Variants in EXOC6B observed in about 807,000 individuals in gnomAD.
The protein encoded by EXOC6B is SEC15 homolog B.
EXOC6B carries 54 observed loss-of-function variants against 113.5 expected under a neutral mutation model. The observed-to-expected ratio is 0.48, with a 90% CI of 0.38 to 0.60. The LOEUF is 0.60. EXOC6B is among the 20% of genes least tolerant of loss of function. The pLI, the probability that EXOC6B is intolerant of heterozygous loss-of-function variation, is 0.00. For missense variants in EXOC6B, 797 were observed against 977.5 expected, an observed-to-expected ratio of 0.82 and a Z score of 2.46; for synonymous variants, 357 against 339.0, an observed-to-expected ratio of 1.05 and a Z score of -0.58.
chr2:72,289,055 G>A (rs187844483), intron 20 of EXOC6B: 146 of 297,590 alleles, frequency 4.9e-4, no homozygotes, highest in Middle Eastern at 4.3e-3. Flanking sequence ...CTGGTATCAC[G>A]GACCAAGAAG....
chr2:72,376,547 T>G (rs1160996726), intron 19 of EXOC6B, among the ~76,000 whole-genome samples: 1 of 152,174 alleles, frequency 6.6e-6, no homozygotes, highest in East Asian at 1.9e-4. Flanking sequence ...AGTGTAGCTT[T>G]CTTTGTATTT....
chr2:72,367,143 A>C (rs1215723038), intron 19 of EXOC6B, among the ~76,000 whole-genome samples: 3 of 152,286 alleles, frequency 2.0e-5, no homozygotes, highest in Non-Finnish European at 4.4e-5. Context: ...CAACAATAGC[A>C]CAAACAAAGG....
intron 6 of EXOC6B, among the ~76,000 whole-genome samples, chr2:72,689,135 C>A (rs1420474721): frequency 6.6e-6 from 1 of 152,040 alleles, no homozygotes; most frequent in Non-Finnish European, 1.5e-5. Context: ...GAATTTTAGC[C>A]CAGAGCAACT....
chr2:72,555,934 C>T (rs1379839526), intron 8 of EXOC6B, among the ~76,000 whole-genome samples: 2 of 152,214 alleles, frequency 1.3e-5, no homozygotes, highest in Non-Finnish European at 2.9e-5. Context: ...GCATGAGCCA[C>T]TGCACCCGGC....
intron 11 of EXOC6B, among the ~76,000 whole-genome samples, chr2:72,511,279 T>A (rs1189461380): frequency 6.6e-6 from 1 of 152,090 alleles, no homozygotes. Context: ...CACAAAGTAA[T>A]CATTTCGAAT....
intron 7 of EXOC6B, among the ~76,000 whole-genome samples, chr2:72,560,073 A>T (rs775628910): frequency 7.2e-5 from 11 of 152,222 alleles, no homozygotes; most frequent in Non-Finnish European, 1.2e-4. Context: ...AAAATAAGAC[A>T]AAGAATGGAA....
intron 6 of EXOC6B, among the ~76,000 whole-genome samples, chr2:72,696,939 T>C (rs1573639560): frequency 6.6e-6 from 1 of 152,190 alleles, no homozygotes; most frequent in East Asian, 1.9e-4. Flanking sequence ...GTAAATATAA[T>C]GATCAGATAT....
In EXOC6B at chr2:72,825,209, C is replaced by A. The variant is rs570715450; in HGVS notation, c.113+589G>T. Among the ~76,000 whole-genome samples, 95 of 152,160 alleles carry A rather than the reference C, an allele frequency of 6.2e-4. No individual in the cohort carries two copies. The highest frequency in any genetic ancestry group is 4.5e-3 in the East Asian group (23 of 5,162). On this transcript the variant is annotated intron_variant, in intron 1 of 21. Coordinates refer to ENST00000272427, the MANE Select transcript of EXOC6B (RefSeq NM_015189.3). This position sits in a 1 kb window ranked among gnomAD's most constrained non-coding sequence, Gnocchi z 4.4. Reference sequence around the variant, plus strand: ...TCAGTTTTCCCCAGCGATGAGGAGGCTGCACCGTGGGCGAGGGTCGTCCTC... The same window carrying A: ...TCAGTTTTCCCCAGCGATGAGGAGGATGCACCGTGGGCGAGGGTCGTCCTC...
intron 6 of EXOC6B, among the ~76,000 whole-genome samples, chr2:72,707,141 C>T (rs1175948503): frequency 6.6e-6 from 1 of 152,136 alleles, no homozygotes; most frequent in Admixed American, 6.6e-5. Context: ...TTACCAAATT[C>T]CTGACCCACA....
At chr2:72,383,995 T>C (rs1260490417) in intron 18 of EXOC6B, among the ~76,000 whole-genome samples, 2 of 152,036 alleles carry the variant, frequency 1.3e-5, no homozygotes, top group Admixed American at 1.3e-4. Flanking sequence ...TAGGGCCTGC[T>C]TGAGGGTGGA....
chr2:72,725,460 G>A (rs920451218), intron 5 of EXOC6B, among the ~76,000 whole-genome samples: 6 of 151,700 alleles, frequency 4.0e-5, no homozygotes, highest in African/African-American at 1.5e-4. Flanking sequence ...GCGCCATCTC[G>A]GCTCACTGCA....
intron 6 of EXOC6B, among the ~76,000 whole-genome samples, chr2:72,621,394 T>C (rs1043922711): frequency 6.6e-6 from 1 of 152,060 alleles, no homozygotes; most frequent in Non-Finnish European, 1.5e-5. Flanking sequence ...CTAAGCAAAC[T>C]GATGCAGGAA....
intron 6 of EXOC6B, 30 bp downstream of exon 6, chr2:72,718,073 T>C (rs1407534017): frequency 1.3e-6 from 2 of 1,554,138 alleles, no homozygotes; most frequent in African/African-American, 2.7e-5. Flanking sequence ...ATAAAGCCAC[T>C]GGCCAACCTA....
chr2:72,236,923 G>C (rs1330828953), intron 20 of EXOC6B, among the ~76,000 whole-genome samples: 1 of 152,082 alleles, frequency 6.6e-6, no homozygotes, highest in Non-Finnish European at 1.5e-5. Flanking sequence ...AAACACAGCA[G>C]AGTAGTAGTC....
At chr2:72,265,239 T>TTTATTATTA (rs58637794) in intron 20 of EXOC6B, among the ~76,000 whole-genome samples, 1,660 of 146,860 alleles carry the variant, frequency 0.011, 20 homozygotes, top group African/African-American at 0.036. Flanking sequence ...TAACTATTCT[T>TTTATTATTA]TTATTATTAT....
chr2:72,554,689 T>C (rs1293914952), intron 8 of EXOC6B, among the ~76,000 whole-genome samples: 1 of 152,168 alleles, frequency 6.6e-6, no homozygotes, highest in East Asian at 1.9e-4. Flanking sequence ...CAGTCTCAGG[T>C]AGTGTTCTTT....
chr2:72,650,886 A>AAAAAAAAC (rs1030698388), intron 6 of EXOC6B, among the ~76,000 whole-genome samples: 2 of 151,676 alleles, frequency 1.3e-5, no homozygotes, highest in African/African-American at 4.8e-5. Context: ...TTTCTAAAAA[A>AAAAAAAAC]AAAAAAACAA....
chr2:72,410,004 A>G (rs891520993), intron 18 of EXOC6B, among the ~76,000 whole-genome samples: 2 of 152,204 alleles, frequency 1.3e-5, no homozygotes, highest in Non-Finnish European at 2.9e-5. Context: ...GTGAGGGACA[A>G]GCGCAAGTAA....
chr2:72,232,485 A>G (rs62147598), intron 20 of EXOC6B, among the ~76,000 whole-genome samples: 7,370 of 152,228 alleles, frequency 0.048, 200 homozygotes, highest in African/African-American at 0.061. Context: ...AGGAACTCTT[A>G]AGAAAATCTA....
Sources: allele counts gnomAD v4.1 joint callset (sites outside exome capture counted in the v4.1 genomes callset), GRCh38; gene constraint gnomAD v4.1.1; non-coding constraint Gnocchi (gnomAD v3.1); transcripts MANE v1.5; gene names NCBI Gene and HGNC (gene_info 2026-07-23, HGNC 2026-07-21).